Variants in LRRTM4 observed in about 807,000 individuals in gnomAD.
LRRTM4 encodes leucine rich repeat transmembrane neuronal 4.
Under a neutral mutation model 47.6 loss-of-function variants are expected in LRRTM4, and 25 were observed. The observed-to-expected ratio is 0.53, with a 90% CI of 0.38 to 0.73. The LOEUF is 0.73. LRRTM4 is among the 30% of genes least tolerant of loss of function. LRRTM4 has a pLI of 0.00. For synonymous variants in LRRTM4, 311 were observed against 269.5 expected, an observed-to-expected ratio of 1.15 and a Z score of -1.51; for missense variants, 638 against 713.4, an observed-to-expected ratio of 0.89 and a Z score of 1.20.
At chr2:76,840,474 G>C (rs919982209) in intron 3 of LRRTM4, among the ~76,000 whole-genome samples, 5 of 152,114 alleles carry the variant, frequency 3.3e-5, no homozygotes, top group Admixed American at 2.0e-4. Flanking sequence ...CATCTGACAA[G>C]GTCATGAAGC....
intron 3 of LRRTM4, among the ~76,000 whole-genome samples, chr2:76,983,026 AAGAC>A (rs1676666486): frequency 6.6e-6 from 1 of 151,666 alleles, no homozygotes; most frequent in Non-Finnish European, 1.5e-5. Context: ...AAATTAAATA[AAGAC>A]ACATATTAAA....
At chr2:77,456,199 A>G (rs920008838) in intron 3 of LRRTM4, among the ~76,000 whole-genome samples, 6 of 152,184 alleles carry the variant, frequency 3.9e-5, no homozygotes, top group African/African-American at 1.4e-4. Flanking sequence ...CATTTAATCC[A>G]TAAATTCCTG....
intron 3 of LRRTM4, among the ~76,000 whole-genome samples, chr2:77,225,593 A>G (rs1309768890): frequency 1.3e-5 from 2 of 152,106 alleles, no homozygotes; most frequent in Non-Finnish European, 2.9e-5. Flanking sequence ...TACTCTCACA[A>G]TTCTCGACTA....
intron 3 of LRRTM4, among the ~76,000 whole-genome samples, chr2:77,244,889 T>A (rs1675388554): frequency 6.6e-6 from 1 of 152,086 alleles, no homozygotes; most frequent in Non-Finnish European, 1.5e-5. Context: ...CCTGGCAACA[T>A]CCGTGTAAGT....
intron 3 of LRRTM4, among the ~76,000 whole-genome samples, chr2:77,512,611 A>G (rs1325023206): frequency 6.6e-6 from 1 of 152,184 alleles, no homozygotes; most frequent in Non-Finnish European, 1.5e-5. Flanking sequence ...CTCTAGAGAC[A>G]TGAAAATTCA....
At chr2:76,942,210 C>T (rs1675169041) in intron 3 of LRRTM4, among the ~76,000 whole-genome samples, 1 of 151,738 alleles carries the variant, frequency 6.6e-6, no homozygotes, top group South Asian at 2.1e-4. Context: ...GGATATTAGC[C>T]CCTTGTCTGA....
chr2:77,096,789 T>C (rs900368664), intron 3 of LRRTM4, among the ~76,000 whole-genome samples: 2 of 151,606 alleles, frequency 1.3e-5, no homozygotes, highest in Non-Finnish European at 3.0e-5. Flanking sequence ...AAAGGAGGAA[T>C]AATTAAAAAC....
intron 3 of LRRTM4, among the ~76,000 whole-genome samples, chr2:76,832,085 A>G (rs77624840): frequency 0.078 from 11,824 of 152,172 alleles, 489 homozygotes; most frequent in Middle Eastern, 0.14. Flanking sequence ...AATTTAATGT[A>G]GGCTCCTACT....
At chr2:76,951,095 T>A (rs1269581356) in intron 3 of LRRTM4, among the ~76,000 whole-genome samples, 1 of 148,620 alleles carries the variant, frequency 6.7e-6, no homozygotes, top group Non-Finnish European at 1.5e-5. Context: ...AGAAGGTTTA[T>A]ACAAAAGTCA....
intron 3 of LRRTM4, among the ~76,000 whole-genome samples, chr2:76,936,493 G>A (rs1674953649): frequency 6.6e-6 from 1 of 151,464 alleles, no homozygotes; most frequent in Non-Finnish European, 1.5e-5. Flanking sequence ...GTAGATGACG[G>A]GTTGATGGTT....
At chr2:77,307,122 G>A (rs187845884) in intron 3 of LRRTM4, among the ~76,000 whole-genome samples, 5,377 of 151,520 alleles carry the variant, frequency 0.035, 327 homozygotes, top group African/African-American at 0.12. Flanking sequence ...GGATGGTCTC[G>A]ATCTCCTGAC....
chr2:76,781,893 G>C (rs1225974291), intron 3 of LRRTM4, among the ~76,000 whole-genome samples: 1 of 152,064 alleles, frequency 6.6e-6, no homozygotes. Context: ...AATTGTATCT[G>C]AAAACTCATC....
intron 3 of LRRTM4, among the ~76,000 whole-genome samples, chr2:77,459,773 A>G (rs1160850537): frequency 6.6e-6 from 1 of 151,768 alleles, no homozygotes; most frequent in African/African-American, 2.4e-5. Context: ...AAAAAAAAAA[A>G]AAAGAAAATA....
rs376471428 is a variant in LRRTM4, at chr2:77,179,252, G to A, written c.1551+339066C>T. Among the ~76,000 whole-genome samples the A allele has an allele frequency of 9.9e-5, 15 of 152,202 alleles. No individual in the cohort carries two copies. In the East Asian group the frequency reaches 1.4e-3, roughly 14 times the overall value. ...ACTATTTTATAAGCAGAATTAACAC[G>A]TCAGCAAGCAAATTCCCTGAAATAT... On this transcript the variant is annotated intron_variant, in intron 3 of 3. Transcript: ENST00000409884.
chr2:77,273,774 AAC>A (rs1253847287), intron 3 of LRRTM4, among the ~76,000 whole-genome samples: 3 of 152,142 alleles, frequency 2.0e-5, no homozygotes, highest in Non-Finnish European at 2.9e-5. Context: ...GCCATTTAGA[AAC>A]AGACACAACT....
At chr2:77,203,339 G>A (rs574606616) in intron 3 of LRRTM4, among the ~76,000 whole-genome samples, 11 of 152,148 alleles carry the variant, frequency 7.2e-5, no homozygotes, top group African/African-American at 2.4e-4. Flanking sequence ...TCCTGGAGAT[G>A]GACAGGGGAT....
chr2:77,348,475 C>A (rs1012693113), intron 3 of LRRTM4, among the ~76,000 whole-genome samples: 1 of 149,552 alleles, frequency 6.7e-6, no homozygotes, highest in Admixed American at 6.7e-5. Context: ...ATTTTATAAG[C>A]TTATATAATT....
intron 3 of LRRTM4, among the ~76,000 whole-genome samples, chr2:77,067,634 A>G (rs535779949): frequency 1.3e-5 from 2 of 151,978 alleles, no homozygotes; most frequent in Non-Finnish European, 2.9e-5. Context: ...GAAGATACAT[A>G]TTATGAAAAA....
At position 77,179,307 on chromosome 2, in the gene LRRTM4, A is replaced by T. The variant is rs547563913; in HGVS notation, c.1551+339011T>A. Among the ~76,000 whole-genome samples, 7 of 152,336 alleles carry T rather than the reference A, an allele frequency of 4.6e-5. No homozygotes were observed. In the South Asian group the frequency reaches 1.2e-3, roughly 27 times the overall value. On this transcript the variant is annotated intron_variant, in intron 3 of 3. Coordinates refer to ENST00000409884, the MANE Select transcript of LRRTM4 (RefSeq NM_001134745.3). ...GTAGCAGCTAGGATCACTCCATTTT[A>T]GGAAATCTAATTTGGCATTGTACCT...
Sources: gnomAD v4.1 joint callset for allele counts (sites outside exome capture counted in the v4.1 genomes callset) on GRCh38, gnomAD v4.1.1 for gene constraint, MANE v1.5 for transcripts, NCBI Gene and HGNC (gene_info 2026-07-23, HGNC 2026-07-21) for gene names.